The following CABCOCO1 variants were observed in gnomAD, a reference collection of about 807,000 sequenced individuals.
CABCOCO1 encodes ciliary associated calcium binding coiled-coil 1, also known as ciliary-associated calcium-binding coiled-coil protein 1.
Under a neutral mutation model 35.7 loss-of-function variants are expected in CABCOCO1, and 28 were observed. That is an observed-to-expected ratio of 0.78 (90% CI 0.58 to 1.07). The LOEUF is 1.07. CABCOCO1 is among the 50% of genes least tolerant of loss of function. The pLI is 0.00. For missense variants in CABCOCO1, 326 were observed against 309.2 expected (o/e 1.05, Z -0.41); for synonymous variants, 95 against 100.1 (o/e 0.95, Z 0.30).
chr10:61,695,295 C>CAA (rs573234486), intron 5 of CABCOCO1, among the ~76,000 whole-genome samples: 9 of 139,968 alleles, frequency 6.4e-5, no homozygotes, highest in South Asian at 2.2e-4. Context: ...GAAGATAAAT[C>CAA]AAAAAAAAAA....
At chr10:61,714,451 C>T (rs891808561) in intron 5 of CABCOCO1, among the ~76,000 whole-genome samples, 7 of 151,944 alleles carry the variant, frequency 4.6e-5, no homozygotes, top group African/African-American at 1.7e-4. Flanking sequence ...TTGATCTTTT[C>T]AAAAAACCAG....
intron 5 of CABCOCO1, among the ~76,000 whole-genome samples, chr10:61,720,689 T>TG (rs71018995): frequency 0.52 from 78,482 of 151,462 alleles, 21,314 homozygotes; most frequent in Middle Eastern, 0.66. Context: ...CATCATGTGG[T>TG]GGGGGGGCAG....
intron 5 of CABCOCO1, among the ~76,000 whole-genome samples, chr10:61,700,089 T>C (rs1840409982): frequency 1.3e-5 from 2 of 152,146 alleles, no homozygotes; most frequent in South Asian, 4.1e-4. Flanking sequence ...GGTAATGGAA[T>C]AACACATGTC....
intron 5 of CABCOCO1, among the ~76,000 whole-genome samples, chr10:61,723,016 T>C (rs1841060255): frequency 6.6e-6 from 1 of 152,182 alleles, no homozygotes; most frequent in South Asian, 2.1e-4. Context: ...AAAATAATGA[T>C]TCAAATCCTG....
chr10:61,723,797 A>G (rs1205248984), intron 5 of CABCOCO1, among the ~76,000 whole-genome samples: 3 of 152,228 alleles, frequency 2.0e-5, no homozygotes, highest in Non-Finnish European at 4.4e-5. Context: ...TAAATGCAGT[A>G]ACATTGGAGG....
chr10:61,678,748 T>C (rs928468027), intron 2 of CABCOCO1, among the ~76,000 whole-genome samples: 1 of 152,094 alleles, frequency 6.6e-6, no homozygotes, highest in African/African-American at 2.4e-5. Flanking sequence ...AGAAACTGCA[T>C]CCTCTGTTAT....
At chr10:61,673,974 A>G (rs1839435291) in intron 2 of CABCOCO1, among the ~76,000 whole-genome samples, 1 of 152,224 alleles carries the variant, frequency 6.6e-6, no homozygotes. Context: ...GTTATTGATC[A>G]TTGCAATGCA....
In CABCOCO1 at chr10:61,694,511, A is replaced by G. The variant is rs185862885; in HGVS notation, c.552+3890A>G. On this transcript the variant is annotated intron_variant, in intron 5 of 7. Transcript: ENST00000648843. The stretch of plus-strand genomic sequence containing the variant: ...GATTTTTACCTTATACCGAACTTAA[A>G]AATGAATCCAATTTATTAACAGATT... 2.0e-5 allele frequency among the ~76,000 whole-genome samples: 3 copies of G among 151,962 alleles called. No individual in the cohort carries two copies. In the East Asian group the frequency reaches 5.8e-4, roughly 29 times the overall value.
At chr10:61,743,404 T>C (rs867928143) in intron 5 of CABCOCO1, among the ~76,000 whole-genome samples, 2 of 152,342 alleles carry the variant, frequency 1.3e-5, no homozygotes, top group Admixed American at 1.3e-4. Flanking sequence ...CATTTCAATA[T>C]TTAAAACATT....
chr10:61,760,776 A>G (rs1481079427), intron 6 of CABCOCO1, 87 bp from the exon 7 acceptor site: 50 of 1,376,374 alleles, frequency 3.6e-5, no homozygotes, highest in Non-Finnish European at 4.5e-5. Flanking sequence ...AAAATAAAAT[A>G]TATTTAAAAC....
intron 1 of CABCOCO1, among the ~76,000 whole-genome samples, chr10:61,665,902 A>T (rs951871456): frequency 2.7e-5 from 2 of 74,314 alleles, no homozygotes; most frequent in African/African-American, 5.9e-5. Context: ...AAAAAAAAAA[A>T]TATCTAGGGA....
At chr10:61,700,320 T>C (rs1840416041) in intron 5 of CABCOCO1, among the ~76,000 whole-genome samples, 1 of 152,038 alleles carries the variant, frequency 6.6e-6, no homozygotes, top group South Asian at 2.1e-4. Flanking sequence ...AAAGGCATAA[T>C]AGTCTTAATA....
intron 5 of CABCOCO1, among the ~76,000 whole-genome samples, chr10:61,757,977 G>C (rs1251556204): frequency 6.6e-6 from 1 of 152,074 alleles, no homozygotes; most frequent in Non-Finnish European, 1.5e-5. Context: ...GAGCAGGAAG[G>C]CCTAGCCTGT....
At position 61,663,041 on chromosome 10, in the gene CABCOCO1, C is replaced by A; in HGVS notation, c.60+9C>A. The A allele has an allele frequency of 4.0e-6, 1 of 251,654 alleles. No homozygotes were observed. Among genetic ancestry groups the A allele is most frequent in the African/African-American group, 2.4e-5 (1 of 41,974 alleles). 15.6% of individuals were successfully genotyped at this position (251,654 alleles called of 1,614,324 possible). On this transcript the variant is annotated intron_variant, in intron 1 of 7. Transcript: ENST00000648843. ...CCACGCCCGAATCGGAGGTACACCG[C>A]CCCTTTCCCTTCCCGGTACCGGTGC...
intron 2 of CABCOCO1, among the ~76,000 whole-genome samples, chr10:61,677,353 A>G (rs765792562): frequency 5.3e-5 from 8 of 152,154 alleles, no homozygotes; most frequent in Non-Finnish European, 1.2e-4. Context: ...TTCTTAACCA[A>G]TGGAGGACAT....
chr10:61,696,990 G>T (rs191081909), intron 5 of CABCOCO1, among the ~76,000 whole-genome samples: 3 of 152,170 alleles, frequency 2.0e-5, no homozygotes, highest in Admixed American at 1.3e-4. Context: ...TATAAGATTA[G>T]CTAATAGTAA....
At position 61,760,925 on chromosome 10, in the gene CABCOCO1, T is replaced by C; in HGVS notation, c.738T>C (p.Asp246=). The C allele has an allele frequency of 1.9e-6, 3 of 1,612,730 alleles. No individual in the cohort carries two copies. Among genetic ancestry groups the C allele is most frequent in the Non-Finnish European group, 2.5e-6 (3 of 1,179,116 alleles). The change falls in exon 7 of 8, where the codon GAT becomes GAC. Residue 246 remains aspartate, a synonymous_variant. Coordinates refer to ENST00000648843, the MANE Select transcript of CABCOCO1 (RefSeq NM_001366906.2). The stretch of plus-strand genomic sequence containing the variant: ...CAGAAACTGACACCTCAGACATGGA[T>C]CCTTTAGTTGGTTTTACCATTGAAG... ...SQPETDTSDM[D]PLVGFTIEDV... is the part of the protein sequence containing the mutation.
chr10:61,691,650 C>A (rs900241107), intron 5 of CABCOCO1, among the ~76,000 whole-genome samples: 3 of 152,044 alleles, frequency 2.0e-5, no homozygotes, highest in Non-Finnish European at 4.4e-5. Flanking sequence ...CCTTGCCCCC[C>A]ACTCCCCAAC....
intron 5 of CABCOCO1, among the ~76,000 whole-genome samples, chr10:61,758,768 C>T (rs1394395094): frequency 1.3e-5 from 2 of 151,946 alleles, no homozygotes; most frequent in African/African-American, 2.4e-5. Flanking sequence ...AGTTAGGACA[C>T]GTTGGGGCTT....
Sources: allele counts gnomAD v4.1 joint callset (sites outside exome capture counted in the v4.1 genomes callset), GRCh38; gene constraint gnomAD v4.1.1; transcripts MANE v1.5; gene names NCBI Gene and HGNC (gene_info 2026-07-23, HGNC 2026-07-21).